SMARCA1: variants seen among roughly 807,000 people sequenced by gnomAD.
SMARCA1 encodes the protein SWI/SNF-related matrix-associated actin-dependent regulator of chromatin subfamily A member 1.
Under a neutral mutation model 93.6 loss-of-function variants are expected in SMARCA1, and 17 were observed. The ratio of observed to expected loss-of-function variants is 0.18; its 90% CI spans 0.12 to 0.27. The LOEUF (loss-of-function observed/expected upper bound fraction) is 0.27, where lower values mean the gene tolerates loss of function less well. Ranked by LOEUF, SMARCA1 falls within the 10% of genes least tolerant of loss-of-function variation. The pLI, the probability that SMARCA1 is intolerant of heterozygous loss-of-function variation, is 1.00. For missense variants in SMARCA1, 630 were observed against 819.0 expected, an observed-to-expected ratio of 0.77 and a Z score of 2.82; for synonymous variants, 271 against 271.4, an observed-to-expected ratio of 1.00 and a Z score of 0.01.
chrX:129,498,130 T>C (rs765817420), intron 10 of SMARCA1, 59 bp from the exon 11 acceptor site: 7 of 699,373 alleles, frequency 1.0e-5, no homozygotes, highest in South Asian at 4.7e-5. Flanking sequence ...CATAAACAAA[T>C]GTTCCTTTGG....
rs1271730516 is a variant in SMARCA1 at position 129,498,021 on chromosome X, T to G, written c.1328A>C (p.Lys443Thr). The G allele has an allele frequency of 3.3e-6, 4 of 1,206,979 alleles. No homozygotes were observed. The highest frequency in any genetic ancestry group is 4.5e-6 in the Non-Finnish European group (4 of 890,992). ...KDIDVLNSSG[K>T]MDKMRLLNIL... ...GTTTAAGAGTCGCATCTTGTCCATC[T>G]TGCCAGAAGAGTTTAAAACATCAAT... The change falls in exon 11 of 25, where the codon AAG (lysine) becomes ACG (threonine). Residue 443 changes from lysine (K) to threonine (T), a missense_variant. Physicochemically the swap from Lys to Thr is moderately conservative, Grantham distance 78. Transcript: ENST00000371121.
intron 23 of SMARCA1, among the ~76,000 whole-genome samples, chrX:129,454,001 A>T (rs1288400846): frequency 8.9e-6 from 1 of 112,111 alleles, no homozygotes; most frequent in Non-Finnish European, 1.9e-5. Context: ...CTAAACAAAA[A>T]GAACAAAGCT....
At chrX:129,457,642 T>C (rs1046935536) in intron 23 of SMARCA1, among the ~76,000 whole-genome samples, 3 of 112,310 alleles carry the variant, frequency 2.7e-5, no homozygotes, top group African/African-American at 9.7e-5. Flanking sequence ...ACAGCCTGTC[T>C]GAATTCTTCC....
chrX:129,503,664 C>A (rs1934650364), intron 9 of SMARCA1, among the ~76,000 whole-genome samples: 1 of 111,369 alleles, frequency 9.0e-6, no homozygotes. Flanking sequence ...AAATTGCGAT[C>A]AAAGAATAGA....
At chrX:129,467,655 G>A (rs1393018680) in intron 21 of SMARCA1, among the ~76,000 whole-genome samples, 3 of 107,956 alleles carry the variant, frequency 2.8e-5, no homozygotes, top group African/African-American at 1.0e-4. Flanking sequence ...ATTTCCAGAA[G>A]AAAAAAAAAT....
intron 12 of SMARCA1, among the ~76,000 whole-genome samples, chrX:129,496,268 T>G (rs1276903673): frequency 9.4e-6 from 1 of 106,292 alleles, no homozygotes; most frequent in Non-Finnish European, 1.9e-5. Context: ...ACATTTAGTT[T>G]TTACAAGAGC....
chrX:129,459,417 CAAAAAAAG>C (rs1932762855), intron 23 of SMARCA1, among the ~76,000 whole-genome samples: 1 of 110,691 alleles, frequency 9.0e-6, no homozygotes, highest in Non-Finnish European at 1.9e-5. Context: ...GACTCCGTCT[CAAAAAAAG>C]AAAAAAAGAA....
intron 23 of SMARCA1, among the ~76,000 whole-genome samples, chrX:129,448,859 G>A (rs1439182126): frequency 9.1e-6 from 1 of 110,036 alleles, no homozygotes; most frequent in Admixed American, 9.8e-5. Context: ...GTTGCCGGGA[G>A]CTAGGGAGAG....
At position 129,504,807 on chromosome X, in the gene SMARCA1, A is replaced by C; in HGVS notation, c.1099-5T>G. On this transcript the variant is annotated splice_polypyrimidine_tract_variant and splice_region_variant and intron_variant, in intron 8 of 24. Coordinates refer to ENST00000371121, the MANE Select transcript of SMARCA1 (RefSeq NM_001282874.2). ...GTCAAACCAAGAATCAAAGTCCTGTAGAGGGGTGGAAATTCTCCAATGAGT... is the reference window on the plus strand; with the variant it reads ...GTCAAACCAAGAATCAAAGTCCTGTCGAGGGGTGGAAATTCTCCAATGAGT... 8.6e-7 allele frequency: 1 copy of C among 1,169,394 alleles called. No homozygotes were observed. Among genetic ancestry groups the C allele is most frequent in the Non-Finnish European group, 1.2e-6 (1 of 858,322 alleles).
At chrX:129,515,194 T>C (rs994165491) in intron 5 of SMARCA1, among the ~76,000 whole-genome samples, 5 of 111,282 alleles carry the variant, frequency 4.5e-5, no homozygotes, top group African/African-American at 1.3e-4. Flanking sequence ...AAGAGTTTTA[T>C]GGCCTGTGAA....
rs753840528 is a variant in SMARCA1, at chrX:129,516,268, G to A, written c.428+63C>T. On this transcript the variant is annotated intron_variant, in intron 3 of 24. Coordinates refer to ENST00000371121, the MANE Select transcript of SMARCA1 (RefSeq NM_001282874.2). ...GAAGGGGTGCATGAAGGGATCAAGG[G>A]AGGACAGGAGGAAGAAAAGGTAGGA... 5.7e-6 allele frequency: 6 copies of A among 1,045,149 alleles called. No homozygotes were observed. In the African/African-American group the frequency reaches 1.1e-4, roughly 19 times the overall value. 86.1% of individuals were successfully genotyped at this position (1,045,149 alleles called of 1,213,427 possible).
At chrX:129,483,305 C>G (rs1933762536) in intron 17 of SMARCA1, among the ~76,000 whole-genome samples, 1 of 111,695 alleles carries the variant, frequency 9.0e-6, no homozygotes, top group African/African-American at 3.3e-5. Flanking sequence ...AGATTCCCAA[C>G]ACTACAGTGT....
intron 1 of SMARCA1, 95 bp downstream of exon 1, chrX:129,523,102 G>A: frequency 1.0e-6 from 1 of 992,795 alleles, no homozygotes; most frequent in Non-Finnish European, 1.4e-6. Flanking sequence ...AAAGCTCCGC[G>A]GGTACCTGTC....
chrX:129,504,568 A>AAC lies in SMARCA1; in HGVS notation c.1167+165_1167+166insGT, dbSNP rs368410911. Among the ~76,000 whole-genome samples, 136 of 98,021 alleles carry AAC rather than the reference A, an allele frequency of 1.4e-3. 2 individuals are homozygous for AAC. Among genetic ancestry groups the AAC allele is most frequent in the African/African-American group, 5.3e-3 (124 of 23,563 alleles). The allele number at this position is 98,021 out of a possible 115,157, so 85.1% of individuals were successfully genotyped here. On this transcript the variant is annotated intron_variant, in intron 9 of 24. Coordinates refer to ENST00000371121, the MANE Select transcript of SMARCA1 (RefSeq NM_001282874.2). ...GAGGAATAAAAAAAAAAAAAAAAAAAAAAAAAAAAAAAACAAAGAGGCTGT... is the reference window on the plus strand; with the variant it reads ...GAGGAATAAAAAAAAAAAAAAAAAAAACAAAAAAAAAAAAACAAAGAGGCTGT...
intron 5 of SMARCA1, among the ~76,000 whole-genome samples, 177 bp downstream of exon 5, chrX:129,515,510 C>T (rs915236490): frequency 9.0e-6 from 1 of 111,007 alleles, no homozygotes. Flanking sequence ...CCTGGAAACA[C>T]AAAGAGATCC....
At chrX:129,466,592 T>C (rs1932913854) in intron 21 of SMARCA1, among the ~76,000 whole-genome samples, 1 of 110,400 alleles carries the variant, frequency 9.1e-6, no homozygotes. Flanking sequence ...AAAGTGGAGG[T>C]TGCAGTGAGC....
chrX:129,520,138 CGTGTGTGTGTGT>C (rs374631579), intron 1 of SMARCA1, among the ~76,000 whole-genome samples: 8 of 96,725 alleles, frequency 8.3e-5, no homozygotes, highest in African/African-American at 3.0e-4. Flanking sequence ...AACCTTCTCT[CGTGTGTGTGTGT>C]GTGTGTGTGT....
chrX:129,508,156 T>G (rs894181865), intron 6 of SMARCA1, 60 bp from the exon 7 acceptor site: 1 of 660,296 alleles, frequency 1.5e-6, no homozygotes, highest in African/African-American at 2.3e-5. Context: ...TGTTATAAGA[T>G]GATCACAGAA....
chrX:129,455,078 C>T (rs1932540531), intron 23 of SMARCA1, among the ~76,000 whole-genome samples: 1 of 111,285 alleles, frequency 9.0e-6, no homozygotes, highest in African/African-American at 3.3e-5. Context: ...CCAGAAATAC[C>T]ATTGAACCCA....
Sources: gnomAD v4.1 joint callset for allele counts (sites outside exome capture counted in the v4.1 genomes callset) on GRCh38, gnomAD v4.1.1 for gene constraint, MANE v1.5 for transcripts, NCBI Gene and HGNC (gene_info 2026-07-23, HGNC 2026-07-21) for gene names.